HOOK1: variants seen among roughly 807,000 people sequenced by gnomAD.
HOOK1 encodes the protein hook microtubule tethering protein 1.
Under a neutral mutation model 112.8 loss-of-function variants are expected in HOOK1, and 60 were observed. The observed-to-expected ratio is 0.53, with a 90% CI of 0.43 to 0.66. HOOK1 has a LOEUF of 0.66. Among genes scored for constraint, HOOK1 ranks in the 30% least tolerant of loss-of-function variants. The probability of loss-of-function intolerance (pLI) is 0.00; values close to 1 mark genes in which losing one functional copy is unlikely to be tolerated. For synonymous variants in HOOK1, 294 were observed against 283.8 expected (o/e 1.04, Z -0.36); for missense variants, 770 against 856.0 (o/e 0.90, Z 1.25).
chr1:59,859,108 A>C (rs2098412220), intron 14 of HOOK1, 63 bp downstream of exon 14: 2 of 710,192 alleles, frequency 2.8e-6, no homozygotes, highest in South Asian at 9.4e-5. Context: ...GTTTTTTGTA[A>C]ATGTCTTGGC....
intron 2 of HOOK1, 132 bp downstream of exon 2, chr1:59,822,075 C>A: frequency 1.4e-6 from 1 of 699,876 alleles, no homozygotes; most frequent in Non-Finnish European, 2.5e-6. Flanking sequence ...AATATGGCAC[C>A]AAGGCATTCT....
chr1:59,816,323 T>G (rs2098381506), intron 1 of HOOK1, among the ~76,000 whole-genome samples: 2 of 152,246 alleles, frequency 1.3e-5, no homozygotes, highest in Non-Finnish European at 2.9e-5. Flanking sequence ...TATTTAGGGT[T>G]TGTGAGTTAA....
intron 20 of HOOK1, 74 bp downstream of exon 20, chr1:59,868,425 T>C (rs766296137): frequency 1.4e-5 from 12 of 861,882 alleles, no homozygotes; most frequent in Non-Finnish European, 2.3e-5. Context: ...CATATATTTG[T>C]CATTAATGAT....
intron 20 of HOOK1, 121 bp downstream of exon 20, chr1:59,868,472 C>T: frequency 1.4e-6 from 1 of 697,168 alleles, no homozygotes; most frequent in East Asian, 2.8e-5. Flanking sequence ...CATGTTTTAG[C>T]ACCCAGTGTG....
At chr1:59,845,807 G>T (rs1361711209) in intron 9 of HOOK1, among the ~76,000 whole-genome samples, 1 of 151,780 alleles carries the variant, frequency 6.6e-6, no homozygotes. Context: ...CTTTATAATA[G>T]ATATTGGTCT....
In HOOK1 at chr1:59,875,410, T is replaced by C. The variant is rs1644117009; in HGVS notation, c.*2445T>C. 3 of 152,630 alleles carry C rather than the reference T, an allele frequency of 2.0e-5. No homozygotes were observed. The highest frequency in any genetic ancestry group is 1.3e-4 in the Admixed American group (2 of 15,276). The allele number at this position is 152,630 out of a possible 1,614,324, so 9.5% of individuals were successfully genotyped here. ...TAATGTAATTTAAAGTTCTGTATTA[T>C]TGTGATTAATCATACAGAAATTCAG... On this transcript the variant is annotated 3_prime_UTR_variant, in exon 22 of 22. Transcript: ENST00000371208.
intron 12 of HOOK1, among the ~76,000 whole-genome samples, chr1:59,852,496 C>T (rs902855547): frequency 6.8e-6 from 1 of 146,732 alleles, no homozygotes; most frequent in Non-Finnish European, 1.5e-5. Context: ...GTGATATCCT[C>T]TCCTTTATTT....
intron 15 of HOOK1, among the ~76,000 whole-genome samples, chr1:59,861,155 C>G (rs1408717305): frequency 2.0e-5 from 3 of 152,148 alleles, no homozygotes; most frequent in Non-Finnish European, 4.4e-5. Flanking sequence ...ATGTAATCCA[C>G]CTGCCTCAGC....
At chr1:59,864,481 T>G in intron 16 of HOOK1, 151 bp from the exon 17 acceptor site, 1 of 537,856 alleles carries the variant, frequency 1.9e-6, no homozygotes. Flanking sequence ...AGTTTATGCT[T>G]CTTAAAGTGT....
At chr1:59,871,194 A>T in intron 21 of HOOK1, 84 bp downstream of exon 21, 1 of 849,796 alleles carries the variant, frequency 1.2e-6, no homozygotes, top group Non-Finnish European at 1.9e-6. Flanking sequence ...AAGAAAATAT[A>T]TTTTATCTTA....
At chr1:59,836,538 T>C (rs1161740854) in intron 6 of HOOK1, among the ~76,000 whole-genome samples, 2 of 152,224 alleles carry the variant, frequency 1.3e-5, no homozygotes, top group Non-Finnish European at 1.5e-5. Context: ...ACTTATAATG[T>C]ATATGAATCC....
Position 59,859,019 on chromosome 1 carries a change from T to C in HOOK1, c.1365T>C (p.Ala455=). The change falls in exon 14 of 22, where the codon GCT becomes GCC. Residue 455 remains alanine (A), a synonymous_variant. Transcript: ENST00000371208. ...CTACAAAAAGTTATGAGAATCTTGC[T>C]GCTGAGATTATGCCAGTGGAATATA... is the stretch of plus-strand genomic sequence containing the variant. ...ASATKSYENL[A]AEIMPVEYRE... 6.4e-7 allele frequency: 1 copy of C among 1,572,610 alleles called. No homozygotes were observed. The highest frequency in any genetic ancestry group is 8.7e-7 in the Non-Finnish European group (1 of 1,147,512).
At chr1:59,815,259 A>G (rs976461186) in intron 1 of HOOK1, 79 bp downstream of exon 1, 1 of 1,361,300 alleles carries the variant, frequency 7.3e-7, no homozygotes, top group African/African-American at 1.5e-5. Flanking sequence ...CTCCCAGGTG[A>G]GCTGGGGCTA....
intron 2 of HOOK1, among the ~76,000 whole-genome samples, chr1:59,826,608 G>A (rs1280108066): frequency 6.6e-6 from 1 of 152,180 alleles, no homozygotes; most frequent in East Asian, 1.9e-4. Context: ...AATTTCTAAA[G>A]GTAATTATAG....
intron 12 of HOOK1, among the ~76,000 whole-genome samples, chr1:59,854,914 AC>A (rs1475938659): frequency 9.9e-5 from 15 of 152,238 alleles, no homozygotes; most frequent in African/African-American, 3.6e-4. Context: ...TGCAAGATAT[AC>A]AAAGAAACAG....
chr1:59,846,029 C>A (rs1231226565), intron 9 of HOOK1, among the ~76,000 whole-genome samples: 2 of 151,714 alleles, frequency 1.3e-5, no homozygotes, highest in Admixed American at 6.6e-5. Flanking sequence ...AATTTAATTT[C>A]TTTAATGGTC....
chr1:59,852,922 A>G (rs192928140), intron 12 of HOOK1, among the ~76,000 whole-genome samples: 7 of 151,886 alleles, frequency 4.6e-5, no homozygotes. Flanking sequence ...CAGTTTTCAT[A>G]TATTTGTGAA....
Position 59,815,112 on chromosome 1 carries a change from C to G in HOOK1, c.-6C>G. 1 of 1,540,424 alleles carries G rather than the reference C, an allele frequency of 6.5e-7. No individual in the cohort carries two copies. On this transcript the variant is annotated 5_prime_UTR_variant, in exon 1 of 22. Coordinates refer to ENST00000371208, the MANE Select transcript of HOOK1 (RefSeq NM_015888.6). ...GTCCGCGGCGTCGTCGACGGCGGCG[C>G]CGGCCATGGAGGAGACGCAGCCGCC...
intron 21 of HOOK1, among the ~76,000 whole-genome samples, chr1:59,872,493 G>A (rs1190241622): frequency 1.3e-5 from 2 of 150,356 alleles, no homozygotes; most frequent in Non-Finnish European, 2.9e-5. Flanking sequence ...CTCATAGGTG[G>A]TACGGTGATG....
Sources: gnomAD v4.1 joint callset for allele counts (sites outside exome capture counted in the v4.1 genomes callset) on GRCh38, gnomAD v4.1.1 for gene constraint, MANE v1.5 for transcripts, NCBI Gene and HGNC (gene_info 2026-07-23, HGNC 2026-07-21) for gene names.